GLIS1: variants seen among roughly 807,000 people sequenced by gnomAD.
The protein encoded by GLIS1 is zinc finger protein GLIS1.
In GLIS1, 24 loss-of-function variants were observed where a neutral mutation model predicts 63.8. The observed-to-expected ratio is 0.38, with a 90% CI of 0.27 to 0.53. The LOEUF (loss-of-function observed/expected upper bound fraction) is 0.53. GLIS1 is among the 20% of genes least tolerant of loss of function. The pLI is 0.85. For synonymous variants in GLIS1, 450 were observed against 482.5 expected (o/e 0.93, Z 0.88); for missense variants, 1,036 against 1,074.1 (o/e 0.96, Z 0.50).
intron 4 of GLIS1, among the ~76,000 whole-genome samples, chr1:53,535,244 G>C (rs1213563999): frequency 6.6e-6 from 1 of 152,042 alleles, no homozygotes; most frequent in East Asian, 1.9e-4. Context: ...TCCATGCAAG[G>C]ACTGATGTGG....
In GLIS1 at chr1:53,737,811, C is replaced by T; in HGVS notation, c.254G>A (p.Gly85Glu). The T allele has an allele frequency of 8.1e-7, 1 of 1,231,056 alleles. No homozygotes were observed. Among genetic ancestry groups the T allele is most frequent in the Non-Finnish European group, 1.0e-6 (1 of 987,448 alleles). 76.3% of individuals were successfully genotyped at this position (1,231,056 alleles called of 1,614,324 possible). A position where few individuals can be genotyped will look rare whatever the true frequency, so the allele number is the denominator to read the frequency against. The change falls in exon 2 of 11, where the codon GGG becomes GAG. Residue 85 changes from glycine to glutamate, a missense_variant. Gly to Glu is a moderately conservative substitution (Grantham distance 98, BLOSUM62 -2). This residue lies in a region of GLIS1 where 592 missense variants were observed against 593.9 expected (regional missense o/e 1.00). Transcript: ENST00000628545. ...GTTGGCAGGGCCGAACTCACCCTTC[C>T]CGGCGGCGGCGGCCTTGGATGGACC... ...DYGPSKAAAA[G>E]KVNGSYGHRT...
At chr1:53,568,335 T>C (rs944131551) in intron 4 of GLIS1, among the ~76,000 whole-genome samples, 2 of 152,232 alleles carry the variant, frequency 1.3e-5, no homozygotes, top group Non-Finnish European at 2.9e-5. Flanking sequence ...CCAATGCCTG[T>C]AGCCCCTATT....
chr1:53,677,556 A>G (rs1172823926), intron 2 of GLIS1, among the ~76,000 whole-genome samples: 1 of 152,276 alleles, frequency 6.6e-6, no homozygotes, highest in African/African-American at 2.4e-5. Context: ...TTGGAAGGCA[A>G]TAAAAATGTG....
At chr1:53,712,651 A>G (rs1332720480) in intron 2 of GLIS1, among the ~76,000 whole-genome samples, 1 of 152,166 alleles carries the variant, frequency 6.6e-6, no homozygotes, top group Non-Finnish European at 1.5e-5. Flanking sequence ...CCCTAACTGA[A>G]TAAGGTCACA....
At chr1:53,524,307 G>A (rs998476687) in intron 6 of GLIS1, among the ~76,000 whole-genome samples, 1 of 152,212 alleles carries the variant, frequency 6.6e-6, no homozygotes, top group East Asian at 1.9e-4. Flanking sequence ...CCACCCAGAG[G>A]GGCTAAGGTC....
At chr1:53,725,494 T>C (rs1345102185) in intron 2 of GLIS1, among the ~76,000 whole-genome samples, 2 of 152,172 alleles carry the variant, frequency 1.3e-5, no homozygotes, top group East Asian at 3.9e-4. Context: ...GCTGGAGAAC[T>C]GGAGTCTGCC....
At chr1:53,710,515 C>G (rs1646635588) in intron 2 of GLIS1, among the ~76,000 whole-genome samples, 1 of 152,400 alleles carries the variant, frequency 6.6e-6, no homozygotes, top group African/African-American at 2.4e-5. Context: ...TTGCTGACTC[C>G]AAATCACACA....
intron 2 of GLIS1, among the ~76,000 whole-genome samples, chr1:53,630,595 A>G (rs1432299488): frequency 1.3e-5 from 2 of 152,042 alleles, no homozygotes; most frequent in East Asian, 1.9e-4. Context: ...TCCCGGGTTC[A>G]AGCAATTCTC....
intron 2 of GLIS1, among the ~76,000 whole-genome samples, chr1:53,628,653 C>T (rs1645621409): frequency 6.6e-6 from 1 of 152,140 alleles, no homozygotes; most frequent in African/African-American, 2.4e-5. Flanking sequence ...GATGTGCACC[C>T]ACCCACAGGC....
rs539945661 is a variant in GLIS1 at position 53,671,534 on chromosome 1, T to C, written c.259+66272A>G. ...CCCCAGTGCCTGAGGCCTCACAGAG[T>C]AGAACCAGGATCAATGGGAGAAGTT... On this transcript the variant is annotated intron_variant, in intron 2 of 10. Coordinates refer to ENST00000628545, the MANE Select transcript of GLIS1 (RefSeq NM_001367484.1). 7.0e-4 allele frequency among the ~76,000 whole-genome samples: 107 copies of C among 152,064 alleles called. 1 individual carries two copies. Among genetic ancestry groups the C allele is most frequent in the African/African-American group, 2.4e-3 (100 of 41,474 alleles).
At chr1:53,603,430 CTG>C (rs1645338559) in intron 2 of GLIS1, among the ~76,000 whole-genome samples, 2 of 152,360 alleles carry the variant, frequency 1.3e-5, no homozygotes, top group Admixed American at 1.3e-4. Flanking sequence ...GTCTCAGAGA[CTG>C]GAAGTTAAAC....
intron 2 of GLIS1, among the ~76,000 whole-genome samples, chr1:53,695,526 T>C (rs761114707): frequency 2.4e-4 from 36 of 152,204 alleles, no homozygotes; most frequent in Admixed American, 9.2e-4. Flanking sequence ...ACTGGTGCCA[T>C]GACTGCCACA....
chr1:53,683,693 G>A (rs946114438), intron 2 of GLIS1, among the ~76,000 whole-genome samples: 7 of 152,174 alleles, frequency 4.6e-5, no homozygotes, highest in South Asian at 2.1e-4. Context: ...AAGAATGACC[G>A]AGGTGCCCGG....
intron 4 of GLIS1, among the ~76,000 whole-genome samples, chr1:53,578,579 C>A (rs143104617): frequency 6.6e-6 from 1 of 152,332 alleles, no homozygotes; most frequent in Non-Finnish European, 1.5e-5. Flanking sequence ...GGCTGGTCTG[C>A]TTCCTTTCCC....
Position 53,737,830 on chromosome 1 carries a change from A to G in GLIS1, c.235T>C (p.Ser79Pro), listed in dbSNP as rs549369480. The G allele has an allele frequency of 1.5e-5, 19 of 1,230,976 alleles. No homozygotes were observed. The South Asian group carries it at 5.3e-4, about 35-fold the overall frequency. The allele number at this position is 1,230,976 out of a possible 1,614,324, so 76.3% of individuals were successfully genotyped here. The stretch of plus-strand genomic sequence containing the variant: ...CCCTTCCCGGCGGCGGCGGCCTTGG[A>G]TGGACCGTAGTCTCGGGGACTGCGG... ...RPRSPRDYGP[S>P]KAAAAGKVNG... The change falls in exon 2 of 11, where the codon TCC (serine) becomes CCC (proline). Residue 79 changes from serine to proline, a missense_variant. Around this residue, in one of 3 missense-constraint regions of GLIS1, gnomAD observed 592 missense variants for 593.9 expected, o/e 1.00. Coordinates refer to ENST00000628545, the MANE Select transcript of GLIS1 (RefSeq NM_001367484.1).
intron 4 of GLIS1, among the ~76,000 whole-genome samples, chr1:53,588,393 C>T (rs553313114): frequency 2.0e-5 from 3 of 152,214 alleles, no homozygotes; most frequent in Non-Finnish European, 2.9e-5. Context: ...CACTTTCCCA[C>T]AGCCTAAACC....
At chr1:53,674,613 T>C (rs1052357756) in intron 2 of GLIS1, among the ~76,000 whole-genome samples, 1 of 152,100 alleles carries the variant, frequency 6.6e-6, no homozygotes, top group African/African-American at 2.4e-5. Flanking sequence ...TGCGAGACAC[T>C]AGGAGAGGCA....
Position 53,610,382 on chromosome 1 carries a change from G to C in GLIS1, c.260-10104C>G, listed in dbSNP as rs544904178. Among the ~76,000 whole-genome samples, 11 of 152,116 alleles carry C rather than the reference G, an allele frequency of 7.2e-5. No individual in the cohort carries two copies. In the South Asian group the frequency reaches 1.0e-3, roughly 14 times the overall value. Reference sequence around the variant, plus strand: ...CAAGGAATTATCTCAACTTTTTCTGGGACCCAAACATTTGTTTGAAAATGT... The same window carrying C: ...CAAGGAATTATCTCAACTTTTTCTGCGACCCAAACATTTGTTTGAAAATGT... On this transcript the variant is annotated intron_variant, in intron 2 of 10. Coordinates refer to ENST00000628545, the MANE Select transcript of GLIS1 (RefSeq NM_001367484.1).
rs765043127 is a variant in GLIS1 at position 53,524,902 on chromosome 1, G to C, written c.1483-15C>G. On this transcript the variant is annotated splice_polypyrimidine_tract_variant and intron_variant, in intron 5 of 10. Transcript: ENST00000628545. ...GCGTACGGCTTCTGTAACATGGGGG[G>C]CACGGGTGGGGTGAGTGAGGCCCAT... 5.7e-6 allele frequency: 9 copies of C among 1,580,924 alleles called. No homozygotes were observed. The highest frequency in any genetic ancestry group is 7.8e-6 in the Non-Finnish European group (9 of 1,151,052).
Sources: gnomAD v4.1 joint callset for allele counts (sites outside exome capture counted in the v4.1 genomes callset) on GRCh38, gnomAD v4.1.1 for gene constraint, gnomAD v4.1.1 regional missense constraint, MANE v1.5 for transcripts, NCBI Gene and HGNC (gene_info 2026-07-23, HGNC 2026-07-21) for gene names.